The following SCFD2 variants were observed in gnomAD, a reference collection of about 807,000 sequenced individuals.
SCFD2 encodes sec1 family domain containing 2.
In SCFD2, 54 loss-of-function variants were observed where a neutral mutation model predicts 58.9. The ratio of observed to expected loss-of-function variants is 0.92; its 90% confidence interval spans 0.74 to 1.15. SCFD2 has a LOEUF of 1.15. SCFD2 is among the 50% of genes most tolerant of loss of function. SCFD2 has a pLI of 0.00. For synonymous variants in SCFD2, 321 were observed against 335.9 expected (o/e 0.96, Z 0.49); for missense variants, 805 against 836.6 (o/e 0.96, Z 0.47).
rs563339959 is a variant in SCFD2, at chr4:53,028,012, C to T, written c.1562-107142G>A. On this transcript the variant is annotated intron_variant, in intron 5 of 8. Coordinates refer to ENST00000401642, the MANE Select transcript of SCFD2 (RefSeq NM_152540.4). ...CTGTAATCCCAGCACTTTGGGAGGC[C>T]GAGGCAGCCTGATCACTTGAGGTCA... Among the ~76,000 whole-genome samples, 201 of 151,856 alleles carry T rather than the reference C, an allele frequency of 1.3e-3. 1 individual carries two copies. Among genetic ancestry groups the T allele is most frequent in the African/African-American group, 4.4e-3 (182 of 41,448 alleles).
chr4:53,189,314 A>G (rs1045192888), intron 4 of SCFD2, among the ~76,000 whole-genome samples: 3 of 152,204 alleles, frequency 2.0e-5, no homozygotes, highest in Non-Finnish European at 4.4e-5. Flanking sequence ...GCCTGAAGCT[A>G]TTCATCACCA....
intron 2 of SCFD2, among the ~76,000 whole-genome samples, chr4:53,342,445 C>A (rs533737831): frequency 6.6e-6 from 1 of 152,270 alleles, no homozygotes; most frequent in Admixed American, 6.5e-5. Flanking sequence ...CAGGAGCACC[C>A]AGATTCATAA....
At chr4:53,046,325 C>T (rs1723037242) in intron 5 of SCFD2, among the ~76,000 whole-genome samples, 1 of 151,970 alleles carries the variant, frequency 6.6e-6, no homozygotes. Flanking sequence ...GCAATCCTCC[C>T]CTTTCAGCCC....
intron 5 of SCFD2, among the ~76,000 whole-genome samples, chr4:53,066,689 G>A (rs1326074310): frequency 1.3e-5 from 2 of 151,910 alleles, no homozygotes; most frequent in Non-Finnish European, 2.9e-5. Context: ...TGTTCCATCT[G>A]CCTAGAAAAC....
At chr4:53,027,295 A>G (rs998228319) in intron 5 of SCFD2, among the ~76,000 whole-genome samples, 3 of 151,876 alleles carry the variant, frequency 2.0e-5, no homozygotes, top group African/African-American at 7.3e-5. Context: ...CACCTTCAGG[A>G]AAGAACTGGT....
chr4:53,049,918 A>T (rs1723142921), intron 5 of SCFD2, among the ~76,000 whole-genome samples: 1 of 152,272 alleles, frequency 6.6e-6, no homozygotes, highest in South Asian at 2.1e-4. Flanking sequence ...TCAGTATTTT[A>T]AAAAATTCTT....
At chr4:53,228,080 G>A (rs1292060227) in intron 4 of SCFD2, among the ~76,000 whole-genome samples, 3 of 152,072 alleles carry the variant, frequency 2.0e-5, no homozygotes, top group African/African-American at 7.2e-5. Flanking sequence ...TCCTTCCTCT[G>A]TAAAACAGGA....
intron 4 of SCFD2, among the ~76,000 whole-genome samples, chr4:53,253,278 T>C (rs1730467882): frequency 6.6e-6 from 1 of 152,186 alleles, no homozygotes. Context: ...GGAACACTTT[T>C]ACACTGTTGG....
At chr4:53,286,238 C>T (rs749954253) in intron 3 of SCFD2, among the ~76,000 whole-genome samples, 10 of 152,140 alleles carry the variant, frequency 6.6e-5, no homozygotes, top group Non-Finnish European at 1.3e-4. Context: ...CAGGGGAATA[C>T]CTGCACTCCT....
At chr4:53,162,037 C>G (rs1188450798) in intron 4 of SCFD2, among the ~76,000 whole-genome samples, 1 of 152,142 alleles carries the variant, frequency 6.6e-6, no homozygotes, top group African/African-American at 2.4e-5. Context: ...CCAGCCAGTG[C>G]CAACTCAACA....
At chr4:52,875,802 CTATATATATATA>C (rs3052566) in intron 8 of SCFD2, among the ~76,000 whole-genome samples, 920 of 60,898 alleles carry the variant, frequency 0.015, 9 homozygotes, top group Admixed American at 0.026. Context: ...TTATCTTTAA[CTATATATATATA>C]TATATATATA....
At chr4:53,217,932 G>A (rs1370836374) in intron 4 of SCFD2, among the ~76,000 whole-genome samples, 1 of 152,166 alleles carries the variant, frequency 6.6e-6, no homozygotes, top group Non-Finnish European at 1.5e-5. Flanking sequence ...GAAATTCTGG[G>A]TTGAAAATCA....
At position 53,057,098 on chromosome 4, in the gene SCFD2, T is replaced by A. The variant is rs951877179; in HGVS notation, c.1561+88235A>T. 6.6e-4 allele frequency among the ~76,000 whole-genome samples: 101 copies of A among 152,192 alleles called. No homozygotes were observed. The Middle Eastern group carries it at 0.014, about 21-fold the overall frequency. Reference sequence around the variant, plus strand: ...TACTCTGGAGGCTGAGGCAGGAGAATCACTTGAACCTGGGAGGTGGAGATT... The same window carrying A: ...TACTCTGGAGGCTGAGGCAGGAGAAACACTTGAACCTGGGAGGTGGAGATT... On this transcript the variant is annotated intron_variant, in intron 5 of 8. Coordinates refer to ENST00000401642, the MANE Select transcript of SCFD2 (RefSeq NM_152540.4).
rs540943232 is a variant in SCFD2, at chr4:53,017,127, A to C, written c.1562-96257T>G. On this transcript the variant is annotated intron_variant, in intron 5 of 8. Transcript: ENST00000401642. Reference sequence around the variant, plus strand: ...CGTCTCACACACACACACACACACAAAAAGAAGCAAAAGTTCTTGCCATAG... The same window carrying C: ...CGTCTCACACACACACACACACACACAAAGAAGCAAAAGTTCTTGCCATAG... Among the ~76,000 whole-genome samples, 72 of 151,874 alleles carry C rather than the reference A, an allele frequency of 4.7e-4. 1 individual carries two copies. The highest frequency in any genetic ancestry group is 2.8e-3 in the Admixed American group (42 of 15,272).
At chr4:52,916,643 T>C (rs1719615651) in intron 6 of SCFD2, among the ~76,000 whole-genome samples, 3 of 152,156 alleles carry the variant, frequency 2.0e-5, no homozygotes, top group African/African-American at 7.2e-5. Context: ...AGGTTTCCAG[T>C]CAACAGAAGC....
chr4:52,977,394 G>A (rs748040418), intron 5 of SCFD2, among the ~76,000 whole-genome samples: 11 of 152,148 alleles, frequency 7.2e-5, no homozygotes, highest in South Asian at 2.1e-4. Flanking sequence ...TCCACTCTAA[G>A]GTCAAGGGGG....
chr4:53,223,166 G>A (rs1301382120), intron 4 of SCFD2, among the ~76,000 whole-genome samples: 10 of 152,070 alleles, frequency 6.6e-5, no homozygotes, highest in East Asian at 1.9e-4. Flanking sequence ...GGCTTGGCCT[G>A]TCATTTTCTC....
intron 4 of SCFD2, among the ~76,000 whole-genome samples, chr4:53,192,272 G>C (rs1727936723): frequency 6.6e-6 from 1 of 152,164 alleles, no homozygotes; most frequent in Admixed American, 6.6e-5. Context: ...CCTGGCCAGG[G>C]AAGGGTTGAA....
chr4:53,287,829 C>T (rs1366662255), intron 3 of SCFD2, among the ~76,000 whole-genome samples: 5 of 151,946 alleles, frequency 3.3e-5, no homozygotes, highest in Non-Finnish European at 5.9e-5. Flanking sequence ...TATAAATAGA[C>T]AATTGAATTA....
Sources: gnomAD v4.1 joint callset for allele counts (sites outside exome capture counted in the v4.1 genomes callset) on GRCh38, gnomAD v4.1.1 for gene constraint, MANE v1.5 for transcripts, NCBI Gene and HGNC (gene_info 2026-07-23, HGNC 2026-07-21) for gene names.